Variants in LRP1B observed in about 807,000 individuals in gnomAD.
The protein encoded by LRP1B is low-density lipoprotein receptor-related protein 1B.
A neutral mutation model predicts 556.6 loss-of-function variants in LRP1B; 217 were observed. The ratio of observed to expected loss-of-function variants is 0.39; its 90% CI spans 0.35 to 0.44. The LOEUF is 0.44. Ranked by LOEUF, LRP1B falls within the 20% of genes least tolerant of loss-of-function variation. The pLI is 1.00. For synonymous variants in LRP1B, 2,047 were observed against 1,865.8 expected (o/e 1.10, Z -2.50); for missense variants, 5,053 against 5,620.8 (o/e 0.90, Z 3.23).
chr2:141,359,338 T>A (rs1688737877), intron 3 of LRP1B, among the ~76,000 whole-genome samples: 1 of 149,502 alleles, frequency 6.7e-6, no homozygotes, highest in African/African-American at 2.4e-5. Context: ...GGAAGTTTTA[T>A]TTAAAAAATA....
chr2:140,621,640 CTCACATTATTCACCTGCT>C (rs1247396119), intron 41 of LRP1B, among the ~76,000 whole-genome samples: 1 of 151,652 alleles, frequency 6.6e-6, no homozygotes, highest in Non-Finnish European at 1.5e-5. Context: ...TATACAAATA[CTCACATTATTCACCTGCT>C]ACTGACATTC....
chr2:140,425,721 C>T (rs919343086), intron 66 of LRP1B, among the ~76,000 whole-genome samples: 1 of 152,170 alleles, frequency 6.6e-6, no homozygotes, highest in Non-Finnish European at 1.5e-5. Flanking sequence ...CACCCATTTT[C>T]TGTCTGGGTG....
intron 86 of LRP1B, among the ~76,000 whole-genome samples, chr2:140,259,922 C>A (rs925049446): frequency 1.2e-4 from 18 of 151,728 alleles, no homozygotes; most frequent in African/African-American, 4.4e-4. Flanking sequence ...ATATGCCCTG[C>A]CCCCACACAC....
chr2:140,769,523 T>C (rs1468638754), intron 34 of LRP1B, among the ~76,000 whole-genome samples, 179 bp from the exon 35 acceptor site: 2 of 151,994 alleles, frequency 1.3e-5, no homozygotes, highest in African/African-American at 2.4e-5. Context: ...GTAGGTAGAT[T>C]TGTAGTTCTC....
At position 141,254,520 on chromosome 2, in the gene LRP1B, A is replaced by G. The variant is rs1217555060; in HGVS notation, c.463+2T>C. Reference sequence around the variant, plus strand: ...TTTGATGGCGTTATATGTTTTACTTACCTTTACAGCTTCTCCCATCTTCTG... The same window carrying G: ...TTTGATGGCGTTATATGTTTTACTTGCCTTTACAGCTTCTCCCATCTTCTG... On this transcript the variant is annotated splice_donor_variant, in intron 4 of 90. Transcript: ENST00000389484. LOFTEE classifies it high-confidence loss of function. 1 of 1,611,286 alleles carries G rather than the reference A, an allele frequency of 6.2e-7. No homozygotes were observed. Among genetic ancestry groups the G allele is most frequent in the South Asian group, 1.1e-5 (1 of 91,004 alleles).
intron 63 of LRP1B, among the ~76,000 whole-genome samples, chr2:140,446,251 T>A (rs188724953): frequency 6.6e-6 from 1 of 152,268 alleles, no homozygotes; most frequent in Admixed American, 6.5e-5. Context: ...AGAAAAAGGT[T>A]GCAACTATTA....
intron 1 of LRP1B, among the ~76,000 whole-genome samples, chr2:141,914,766 G>A (rs554424411): frequency 9.9e-5 from 15 of 151,904 alleles, no homozygotes; most frequent in East Asian, 1.9e-4. Context: ...ATCTCCCACC[G>A]CACACACCTA....
At chr2:141,185,440 G>T (rs1416758828) in intron 7 of LRP1B, among the ~76,000 whole-genome samples, 1 of 151,912 alleles carries the variant, frequency 6.6e-6, no homozygotes, top group Non-Finnish European at 1.5e-5. Flanking sequence ...GTTTTCCAAG[G>T]AACTATTGAA....
At chr2:140,427,330 T>A (rs955440445) in intron 66 of LRP1B, among the ~76,000 whole-genome samples, 13 of 152,170 alleles carry the variant, frequency 8.5e-5, no homozygotes, top group African/African-American at 3.1e-4. Context: ...CCAGGGCTGC[T>A]CCCCACCCCC....
chr2:141,327,108 C>G (rs1372701624), intron 3 of LRP1B, among the ~76,000 whole-genome samples: 1 of 152,072 alleles, frequency 6.6e-6, no homozygotes, highest in African/African-American at 2.4e-5. Flanking sequence ...TAAAATGACT[C>G]GCAGACTTCT....
chr2:140,405,486 GA>G (rs772932451), intron 66 of LRP1B, among the ~76,000 whole-genome samples: 6 of 152,000 alleles, frequency 3.9e-5, no homozygotes, highest in Admixed American at 1.3e-4. Flanking sequence ...GAAAAGAAGA[GA>G]AAAGATCCAA....
intron 86 of LRP1B, among the ~76,000 whole-genome samples, chr2:140,259,240 C>A (rs956414102): frequency 1.8e-4 from 28 of 152,068 alleles, no homozygotes; most frequent in Non-Finnish European, 3.5e-4. Flanking sequence ...CCTGACTTTC[C>A]TCTTATTCTC....
At chr2:141,182,858 A>G (rs566253610) in intron 7 of LRP1B, among the ~76,000 whole-genome samples, 100 of 152,010 alleles carry the variant, frequency 6.6e-4, no homozygotes, top group Non-Finnish European at 1.0e-3. Flanking sequence ...GGGGCTGTTT[A>G]TCCTTAAAAA....
chr2:140,841,162 A>T (rs1692093023), intron 29 of LRP1B, 70 bp from the exon 30 acceptor site: 1 of 970,462 alleles, frequency 1.0e-6, no homozygotes, highest in Non-Finnish European at 1.5e-6. Flanking sequence ...GCAAGTAGTT[A>T]TTTTCTATCT....
At chr2:141,845,805 A>G (rs959105970) in intron 1 of LRP1B, among the ~76,000 whole-genome samples, 2 of 152,012 alleles carry the variant, frequency 1.3e-5, no homozygotes, top group Non-Finnish European at 2.9e-5. Flanking sequence ...AACATTATAA[A>G]CATTGTCAGA....
At chr2:140,821,853 T>C (rs1691340132) in intron 31 of LRP1B, among the ~76,000 whole-genome samples, 1 of 151,818 alleles carries the variant, frequency 6.6e-6, no homozygotes, top group Non-Finnish European at 1.5e-5. Flanking sequence ...GCCAATATGG[T>C]GAAACCCCAT....
At chr2:141,361,942 C>T (rs1573857344) in intron 3 of LRP1B, among the ~76,000 whole-genome samples, 1 of 152,152 alleles carries the variant, frequency 6.6e-6, no homozygotes, top group South Asian at 2.1e-4. Context: ...CATCTCAACG[C>T]CCCCTCTCAA....
chr2:141,911,042 T>G lies in LRP1B; in HGVS notation c.83-100641A>C, dbSNP rs951968614. 2.0e-5 allele frequency among the ~76,000 whole-genome samples: 3 copies of G among 152,196 alleles called. No individual in the cohort carries two copies. The Middle Eastern group carries it at 0.01, about 518-fold the overall frequency. On this transcript the variant is annotated intron_variant, in intron 1 of 90. Transcript: ENST00000389484. Reference sequence around the variant, plus strand: ...TACATATACACATGCAGTTCTGTATTTATACAGAACTAGGAACTGCTACTG... The same window carrying G: ...TACATATACACATGCAGTTCTGTATGTATACAGAACTAGGAACTGCTACTG...
chr2:141,232,881 C>T (rs111868673), intron 5 of LRP1B, among the ~76,000 whole-genome samples: 2,289 of 152,224 alleles, frequency 0.015, 34 homozygotes, highest in Middle Eastern at 0.031. Context: ...CACTGAAACA[C>T]GAGAAACCAC....
Sources: gnomAD v4.1 joint callset for allele counts (sites outside exome capture counted in the v4.1 genomes callset) on GRCh38, gnomAD v4.1.1 for gene constraint, MANE v1.5 for transcripts, NCBI Gene and HGNC (gene_info 2026-07-23, HGNC 2026-07-21) for gene names.